The following TSPAN2 variants were observed in gnomAD, a reference collection of about 807,000 sequenced individuals.
TSPAN2 encodes tetraspanin 2.
In TSPAN2, 24 loss-of-function variants were observed where a neutral mutation model predicts 33.3. The observed-to-expected ratio is 0.72, with a 90% CI of 0.52 to 1.01. The LOEUF (loss-of-function observed/expected upper bound fraction) is 1.01. TSPAN2 is among the 50% of genes least tolerant of loss of function. The pLI, the probability that TSPAN2 is intolerant of heterozygous loss-of-function variation, is 0.00. For synonymous variants in TSPAN2, 114 were observed against 104.5 expected, an observed-to-expected ratio of 1.09 and a Z score of -0.56; for missense variants, 278 against 281.3, an observed-to-expected ratio of 0.99 and a Z score of 0.08.
chr1:115,059,387 A>T (rs1458036905), intron 4 of TSPAN2, among the ~76,000 whole-genome samples: 1 of 152,256 alleles, frequency 6.6e-6, no homozygotes, highest in Non-Finnish European at 1.5e-5. Flanking sequence ...ATGGAAGGAC[A>T]GACTAACCAG....
In TSPAN2 at chr1:115,062,152, G is replaced by A; in HGVS notation, c.253C>T (p.Gln85Ter). 2.0e-6 allele frequency: 3 copies of A among 1,525,910 alleles called. No homozygotes were observed. The highest frequency in any genetic ancestry group is 2.7e-6 in the Non-Finnish European group (3 of 1,124,846). 94.5% of individuals were successfully genotyped at this position (1,525,910 alleles called of 1,614,324 possible). The change falls in exon 3 of 8, where the codon CAA becomes TAA. Residue 85 changes from glutamine (Q) to a stop codon, truncating the protein, a stop_gained. Transcript: ENST00000369516. LOFTEE classifies it high-confidence loss of function. Reference protein sequence around the residue: ...FGCCGAMRESQCVLGSFFTCL... With the variant: ...FGCCGAMRES ...CCACTTACTGATCCAAGCACACATT[G>A]CGACTCCCGCATGGCTCCGCAGCAC... is the stretch of plus-strand genomic sequence containing the variant.
chr1:115,067,502 A>G (rs909908722), intron 2 of TSPAN2, among the ~76,000 whole-genome samples: 1 of 152,226 alleles, frequency 6.6e-6, no homozygotes, highest in Non-Finnish European at 1.5e-5. Context: ...TGTAAGCTAC[A>G]ACACCTCTCT....
At chr1:115,057,752 G>T in intron 5 of TSPAN2, 144 bp from the exon 6 acceptor site, 1 of 717,080 alleles carries the variant, frequency 1.4e-6, no homozygotes, top group Non-Finnish European at 2.5e-6. Context: ...ATTTCTGGAA[G>T]GAGAGTGAAG....
At chr1:115,080,597 A>T (rs1183501789) in intron 1 of TSPAN2, among the ~76,000 whole-genome samples, 1 of 152,162 alleles carries the variant, frequency 6.6e-6, no homozygotes, top group Non-Finnish European at 1.5e-5. Context: ...TTTATACTAT[A>T]CAGCAAAATG....
chr1:115,068,153 A>G (rs981022736), intron 2 of TSPAN2, among the ~76,000 whole-genome samples: 2 of 152,198 alleles, frequency 1.3e-5, no homozygotes, highest in African/African-American at 4.8e-5. Context: ...GGCCCTGAGA[A>G]GAGACACAGG....
Position 115,060,444 on chromosome 1 carries a change from T to G in TSPAN2, c.345+20A>C, listed in dbSNP as rs185233145. On this transcript the variant is annotated intron_variant, in intron 4 of 7. Transcript: ENST00000369516. ...CACTTTTAACCATCATAGAAAAACATTATAAGTAATTTTACTTACTACCCC... is the reference window on the plus strand; with the variant it reads ...CACTTTTAACCATCATAGAAAAACAGTATAAGTAATTTTACTTACTACCCC... 4.3e-4 allele frequency: 674 copies of G among 1,581,012 alleles called. 10 individuals are homozygous for G. The East Asian group carries it at 0.013, about 30-fold the overall frequency.
intron 7 of TSPAN2, among the ~76,000 whole-genome samples, chr1:115,050,802 C>T (rs769905854): frequency 1.3e-4 from 20 of 152,304 alleles, no homozygotes; most frequent in Non-Finnish European, 2.4e-4. Flanking sequence ...ACCTACCCTG[C>T]TTCAGAATTA....
At chr1:115,067,056 A>C (rs1647980456) in intron 2 of TSPAN2, among the ~76,000 whole-genome samples, 1 of 152,240 alleles carries the variant, frequency 6.6e-6, no homozygotes, top group Non-Finnish European at 1.5e-5. Context: ...AAATATGTTC[A>C]TATTTCACAG....
At position 115,089,453 on chromosome 1, in the gene TSPAN2, T is replaced by C. The variant is rs757236150; in HGVS notation, c.-21A>G. 6 of 1,517,734 alleles carry C rather than the reference T, an allele frequency of 4.0e-6. No homozygotes were observed. The highest frequency in any genetic ancestry group is 5.3e-6 in the Non-Finnish European group (6 of 1,130,854). The allele number at this position is 1,517,734 out of a possible 1,614,324, so 94.0% of individuals were successfully genotyped here. ...CCCATGCTGCGGCCCGGCGGCGGGA[T>C]CCCCAGTCCCCAGGCCCGCGCTACG... On this transcript the variant is annotated 5_prime_UTR_variant, in exon 1 of 8. Transcript: ENST00000369516.
At chr1:115,068,714 T>C (rs1291299019) in intron 2 of TSPAN2, among the ~76,000 whole-genome samples, 2 of 152,236 alleles carry the variant, frequency 1.3e-5, no homozygotes, top group African/African-American at 4.8e-5. Flanking sequence ...TGTATTTTTC[T>C]TCTTGTTTTG....
chr1:115,087,226 T>C (rs1648870866), intron 1 of TSPAN2, among the ~76,000 whole-genome samples: 1 of 151,978 alleles, frequency 6.6e-6, no homozygotes, highest in African/African-American at 2.4e-5. Flanking sequence ...GCCTGAGAAT[T>C]TGTATTTCTG....
At chr1:115,052,226 C>G (rs1156478516) in intron 7 of TSPAN2, among the ~76,000 whole-genome samples, 1 of 152,194 alleles carries the variant, frequency 6.6e-6, no homozygotes, top group African/African-American at 2.4e-5. Flanking sequence ...CCAGCCACTT[C>G]TCCACCCCTC....
intron 1 of TSPAN2, among the ~76,000 whole-genome samples, chr1:115,082,821 C>T (rs1261601465): frequency 2.0e-5 from 3 of 152,174 alleles, no homozygotes; most frequent in East Asian, 1.9e-4. Flanking sequence ...ATATTCTACA[C>T]GTTCCAATAA....
rs149756145 is a variant in TSPAN2, at chr1:115,077,023, C to T, written c.70-4016G>A. Among the ~76,000 whole-genome samples, 1,023 of 151,744 alleles carry T rather than the reference C, an allele frequency of 6.7e-3. 10 individuals carry two copies. Among genetic ancestry groups the T allele is most frequent in the Non-Finnish European group, 0.011 (760 of 67,950 alleles). On this transcript the variant is annotated intron_variant, in intron 1 of 7. Transcript: ENST00000369516. ...GCAGCCTCAACTTCCCGGGCTCTAG[C>T]GATCCACCACCTCAGCCCTCCAAGT...
In TSPAN2 at chr1:115,050,324, G is replaced by A; in HGVS notation, c.*166C>T. 3 of 681,596 alleles carry A rather than the reference G, an allele frequency of 4.4e-6. No individual in the cohort carries two copies. The highest frequency in any genetic ancestry group is 1.6e-5 in the South Asian group (1 of 62,216). The allele number at this position is 681,596 out of a possible 1,614,324, so 42.2% of individuals were successfully genotyped here. ...CATCATAAACAGGCATTCACTCAAG[G>A]GGTAAACCAGTAATGAGCCAAACAT... is the stretch of plus-strand genomic sequence containing the variant. On this transcript the variant is annotated 3_prime_UTR_variant, in exon 8 of 8. Coordinates refer to ENST00000369516, the MANE Select transcript of TSPAN2 (RefSeq NM_005725.6).
At chr1:115,058,564 A>G (rs1469125253) in intron 5 of TSPAN2, 1 of 358,652 alleles carries the variant, frequency 2.8e-6, no homozygotes, top group African/African-American at 2.2e-5. Flanking sequence ...TTACACCACA[A>G]TGCTACCCTC....
intron 2 of TSPAN2, 96 bp downstream of exon 2, chr1:115,072,809 C>A: frequency 9.3e-7 from 1 of 1,070,168 alleles, no homozygotes; most frequent in Non-Finnish European, 1.4e-6. Context: ...TCTCTGCCCT[C>A]CCCCTCCCAC....
At chr1:115,066,128 T>A (rs1278683613) in intron 2 of TSPAN2, among the ~76,000 whole-genome samples, 2 of 152,214 alleles carry the variant, frequency 1.3e-5, no homozygotes, top group Non-Finnish European at 2.9e-5. Flanking sequence ...TGTACCACAT[T>A]TTCTTCATCC....
At chr1:115,069,742 A>G (rs1439570556) in intron 2 of TSPAN2, among the ~76,000 whole-genome samples, 2 of 152,238 alleles carry the variant, frequency 1.3e-5, no homozygotes, top group African/African-American at 4.8e-5. Context: ...AGACATGTCC[A>G]TAAAGATATG....
Sources: allele counts gnomAD v4.1 joint callset (sites outside exome capture counted in the v4.1 genomes callset), GRCh38; gene constraint gnomAD v4.1.1; transcripts MANE v1.5; gene names NCBI Gene and HGNC (gene_info 2026-07-23, HGNC 2026-07-21).